MAST3: variants seen among roughly 807,000 people sequenced by gnomAD.
MAST3 encodes microtubule associated serine/threonine kinase 3.
A neutral mutation model predicts 127.0 loss-of-function variants in MAST3; 43 were observed. That is an observed-to-expected ratio of 0.34 (90% CI 0.27 to 0.44). The LOEUF (loss-of-function observed/expected upper bound fraction) is 0.44. MAST3 is among the 20% of genes least tolerant of loss of function. MAST3 has a pLI of 1.00. For synonymous variants in MAST3, 785 were observed against 809.2 expected, an observed-to-expected ratio of 0.97 and a Z score of 0.51; for missense variants, 1,390 against 1,919.1, an observed-to-expected ratio of 0.72 and a Z score of 5.15.
chr19:18,105,516 T>G (rs942873784), intron 1 of MAST3, among the ~76,000 whole-genome samples: 7 of 142,210 alleles, frequency 4.9e-5, no homozygotes, highest in Non-Finnish European at 9.1e-5. Context: ...CTGGGTAACA[T>G]GGCAAAACCC....
chr19:18,104,706 A>G (rs190444090), intron 1 of MAST3, among the ~76,000 whole-genome samples: 65 of 152,164 alleles, frequency 4.3e-4, no homozygotes, highest in Middle Eastern at 6.8e-3. Context: ...TCACTCCACT[A>G]AGAGACGTGG....
chr19:18,111,435 G>A (rs530350623), intron 3 of MAST3, among the ~76,000 whole-genome samples: 3 of 151,984 alleles, frequency 2.0e-5, no homozygotes, highest in Admixed American at 6.6e-5. Context: ...GTTTAGGGAG[G>A]GACAGATGTG....
At chr19:18,141,757 T>C (rs1396786882) in intron 20 of MAST3, 125 bp from the exon 21 acceptor site, 6 of 668,182 alleles carry the variant, frequency 9.0e-6, no homozygotes, top group Non-Finnish European at 1.3e-5. Flanking sequence ...GGTTTTGCTA[T>C]GTTGCCCAGG....
At chr19:18,126,479 A>C (rs543781318) in intron 11 of MAST3, among the ~76,000 whole-genome samples, 2 of 152,128 alleles carry the variant, frequency 1.3e-5, no homozygotes, top group Non-Finnish European at 2.9e-5. Flanking sequence ...GTCCCCATTG[A>C]AAGCTGGGGA....
intron 1 of MAST3, among the ~76,000 whole-genome samples, chr19:18,105,364 T>TAAAC (rs947000133): frequency 6.6e-5 from 10 of 151,490 alleles, no homozygotes; most frequent in Non-Finnish European, 1.0e-4. Flanking sequence ...AGACTCCATC[T>TAAAC]AAACAAACAA....
In MAST3 at chr19:18,149,217, T is replaced by A. The variant is rs1371448467; in HGVS notation, c.3535T>A (p.Ser1179Thr). Residue 1179 changes from serine (S) to threonine (T), a missense_variant, in exon 28 of 28, where the codon TCC (serine) becomes ACC (threonine). Ser to Thr is a moderately conservative substitution (Grantham distance 58). Around this residue, in one of 5 missense-constraint regions of MAST3, gnomAD observed 816 missense variants for 934.1 expected, o/e 0.87. Coordinates refer to ENST00000687212, the MANE Select transcript of MAST3 (RefSeq NM_001393504.1). The surrounding 1 kb of genome is among the most constrained non-coding windows in gnomAD (Gnocchi z 5.9). ...TACCACTGCATCCCCACCCAGCGCA[T>A]CCCCGAGCTCCAGCAGCCCCGCCTC... Reference protein sequence around the residue: ...ADTTASPPSASPSSSSPASPA... With the variant: ...ADTTASPPSATPSSSSPASPA... The A allele has an allele frequency of 1.9e-5, 30 of 1,547,258 alleles. No homozygotes were observed. Among genetic ancestry groups the A allele is most frequent in the Non-Finnish European group, 2.5e-5 (29 of 1,149,974 alleles).
At position 18,145,502 on chromosome 19, in the gene MAST3, A is replaced by G. The variant is rs568047211; in HGVS notation, c.3040-241A>G. Among the ~76,000 whole-genome samples, 9 of 152,336 alleles carry G rather than the reference A, an allele frequency of 5.9e-5. No homozygotes were observed. Among genetic ancestry groups the G allele is most frequent in the African/African-American group, 2.2e-4 (9 of 41,584 alleles). On this transcript the variant is annotated intron_variant, in intron 24 of 27. Transcript: ENST00000687212. This position sits in a 1 kb window ranked among gnomAD's most constrained non-coding sequence, Gnocchi z 5.9. ...ATGTTATCCTCCCTCTCCCAGCCCAAGGGCGTCGAGGCATGCCCTCCCTAT... is the reference window on the plus strand; with the variant it reads ...ATGTTATCCTCCCTCTCCCAGCCCAGGGGCGTCGAGGCATGCCCTCCCTAT...
chr19:18,142,378 G>T (rs2042588802), intron 21 of MAST3, among the ~76,000 whole-genome samples: 2 of 134,258 alleles, frequency 1.5e-5, no homozygotes, highest in African/African-American at 2.9e-5. Flanking sequence ...TTGAGACGGA[G>T]TCTCGCTCTG....
intron 3 of MAST3, among the ~76,000 whole-genome samples, chr19:18,119,153 C>G (rs924064135): frequency 6.6e-6 from 1 of 152,186 alleles, no homozygotes; most frequent in Non-Finnish European, 1.5e-5. Context: ...TGCATAGATG[C>G]TTGGGAAGTG....
intron 3 of MAST3, among the ~76,000 whole-genome samples, chr19:18,116,951 G>A (rs986534215): frequency 4.6e-5 from 7 of 150,770 alleles, no homozygotes; most frequent in Non-Finnish European, 7.4e-5. Context: ...ATGAAGCCTG[G>A]GCCCCAGCAT....
chr19:18,118,068 C>G (rs1006201946), intron 3 of MAST3: 281 of 984,116 alleles, frequency 2.9e-4, no homozygotes, highest in Middle Eastern at 1.0e-3. Flanking sequence ...CGTGCGCCCC[C>G]CTCCCTGTCC....
At chr19:18,105,536 T>TG (rs1555792239) in intron 1 of MAST3, among the ~76,000 whole-genome samples, 2 of 129,532 alleles carry the variant, frequency 1.5e-5, no homozygotes, top group Non-Finnish European at 3.3e-5. Flanking sequence ...CTGTCTCTTC[T>TG]AAAAAAAAAA....
intron 1 of MAST3, among the ~76,000 whole-genome samples, chr19:18,098,377 G>A (rs916395761): frequency 2.6e-4 from 39 of 150,050 alleles, no homozygotes; most frequent in African/African-American, 9.0e-4. Flanking sequence ...GATTCGATCT[G>A]CGCCCTCAAC....
Position 18,110,465 on chromosome 19 carries a change from C to T in MAST3, c.72-187C>T. ...CTGTTCGTGTCGCCCAGAAACGCAC[C>T]GCCGCCTCCGGGGAGCCCTCCCGGG... On this transcript the variant is annotated intron_variant, in intron 2 of 27. Coordinates refer to ENST00000687212, the MANE Select transcript of MAST3 (RefSeq NM_001393504.1). This position sits in a 1 kb window ranked among gnomAD's most constrained non-coding sequence, Gnocchi z 4.3. 1.0e-6 allele frequency: 1 copy of T among 967,926 alleles called. No homozygotes were observed. Among genetic ancestry groups the T allele is most frequent in the Middle Eastern group, 5.3e-4 (1 of 1,886 alleles). 60.0% of individuals were successfully genotyped at this position (967,926 alleles called of 1,614,324 possible). A position where few individuals can be genotyped will look rare whatever the true frequency, so the allele number is the denominator to read the frequency against.
intron 3 of MAST3, among the ~76,000 whole-genome samples, chr19:18,121,116 A>C (rs1232655460): frequency 1.3e-5 from 2 of 152,120 alleles, no homozygotes; most frequent in East Asian, 3.9e-4. Flanking sequence ...TCGGCCTCCC[A>C]AAGTGCTGGG....
chr19:18,147,325 A>T (rs2043134300), intron 26 of MAST3, 118 bp from the exon 27 acceptor site: 11 of 919,522 alleles, frequency 1.2e-5, no homozygotes, highest in Non-Finnish European at 1.7e-5. Context: ...CTGGTCTCGA[A>T]CTCCTGACCT....
At chr19:18,108,689 C>T (rs1010830028) in intron 2 of MAST3, among the ~76,000 whole-genome samples, 1 of 152,028 alleles carries the variant, frequency 6.6e-6, no homozygotes, top group South Asian at 2.1e-4. Flanking sequence ...TTTTTATCCC[C>T]AAATCTTAGA....
chr19:18,149,839 C>A lies in MAST3; in HGVS notation c.*113C>A. 1 of 1,464,770 alleles carries A rather than the reference C, an allele frequency of 6.8e-7. No homozygotes were observed. Among genetic ancestry groups the A allele is most frequent in the Non-Finnish European group, 9.2e-7 (1 of 1,092,192 alleles). 90.7% of individuals were successfully genotyped at this position (1,464,770 alleles called of 1,614,324 possible). ...AGCCACCAGCCTGACACCCAGAAGG[C>A]GAGAAGCCATCTCGGTCCTTGCTGG... On this transcript the variant is annotated 3_prime_UTR_variant, in exon 28 of 28. Coordinates refer to ENST00000687212, the MANE Select transcript of MAST3 (RefSeq NM_001393504.1). This position sits in a 1 kb window ranked among gnomAD's most constrained non-coding sequence, Gnocchi z 5.9.
Position 18,109,988 on chromosome 19 carries a change from C to T in MAST3, c.72-664C>T, listed in dbSNP as rs1003730852. 7 of 985,394 alleles carry T rather than the reference C, an allele frequency of 7.1e-6. No individual in the cohort carries two copies. The East Asian group carries it at 4.5e-4, about 64-fold the overall frequency. 61.0% of individuals were successfully genotyped at this position (985,394 alleles called of 1,614,324 possible). ...CCGCGGAGCCAGTGACCGCCCTTCC[C>T]TTCCGGGGCGCAGCTCGGGGGCTCC... On this transcript the variant is annotated intron_variant, in intron 2 of 27. Transcript: ENST00000687212.
Sources: gnomAD v4.1 joint callset for allele counts (sites outside exome capture counted in the v4.1 genomes callset) on GRCh38, gnomAD v4.1.1 for gene constraint, gnomAD v4.1.1 regional missense constraint, Gnocchi (gnomAD v3.1) non-coding constraint, MANE v1.5 for transcripts, NCBI Gene and HGNC (gene_info 2026-07-23, HGNC 2026-07-21) for gene names.